The following CHERP variants were observed in gnomAD, a reference collection of about 807,000 sequenced individuals.
The protein encoded by CHERP is calcium homeostasis endoplasmic reticulum protein, also known as ERPROT 213-21.
A neutral mutation model predicts 113.8 loss-of-function variants in CHERP; 8 were observed. That is an observed-to-expected ratio of 0.07 (90% CI 0.04 to 0.13). The LOEUF (loss-of-function observed/expected upper bound fraction) is 0.13. Among genes scored for constraint, CHERP ranks in the 10% least tolerant of loss-of-function variants. The pLI is 1.00. For synonymous variants in CHERP, 559 were observed against 524.5 expected (o/e 1.07, Z -0.90); for missense variants, 884 against 1,298.2 (o/e 0.68, Z 4.90).
chr19:16,520,610 C>A lies in CHERP; in HGVS notation c.2202-103G>T, dbSNP rs2085603439. 7.3e-7 allele frequency: 1 copy of A among 1,369,382 alleles called. No homozygotes were observed. The highest frequency in any genetic ancestry group is 1.0e-6 in the Non-Finnish European group (1 of 988,910). 84.8% of individuals were successfully genotyped at this position (1,369,382 alleles called of 1,614,324 possible). A position where few individuals can be genotyped will look rare whatever the true frequency, so the allele number is the denominator to read the frequency against. ...ACCACCCCAGATGCAGGGGCTCTGG[C>A]TGTGGATGTGGCGCCATAGCCACAG... On this transcript the variant is annotated intron_variant, in intron 13 of 16. Coordinates refer to ENST00000546361, the MANE Select transcript of CHERP (RefSeq NM_006387.6). The surrounding 1 kb of genome is among the most constrained non-coding windows in gnomAD (Gnocchi z 4.0).
Position 16,542,049 on chromosome 19 carries a change from G to A in CHERP, c.26-6C>T, listed in dbSNP as rs2085783416. On this transcript the variant is annotated splice_polypyrimidine_tract_variant and splice_region_variant and intron_variant, in intron 1 of 16. Coordinates refer to ENST00000546361, the MANE Select transcript of CHERP (RefSeq NM_006387.6). ...GACATTTCGAAGCTCCTGGTCTGGA[G>A]GACGGAGAAAAGGCCACGCGGGGCG... 6.2e-7 allele frequency: 1 copy of A among 1,608,260 alleles called. No homozygotes were observed. Among genetic ancestry groups the A allele is most frequent in the African/African-American group, 1.3e-5 (1 of 74,540 alleles).
In CHERP at chr19:16,525,726, G is replaced by T; in HGVS notation, c.1306-49C>A. The T allele has an allele frequency of 7.1e-7, 1 of 1,409,062 alleles. No homozygotes were observed. The highest frequency in any genetic ancestry group is 9.3e-7 in the Non-Finnish European group (1 of 1,074,086). 87.3% of individuals were successfully genotyped at this position (1,409,062 alleles called of 1,614,324 possible). On this transcript the variant is annotated intron_variant, in intron 9 of 16. Transcript: ENST00000546361. The surrounding 1 kb of genome is among the most constrained non-coding windows in gnomAD (Gnocchi z 6.5). ...AGCCCTGCGTGGTCTAGGCCCTAGT[G>T]CTCGGCAGCATCACAGCGCTCGGCA...
At chr19:16,534,788 C>G (rs1384910963) in intron 3 of CHERP, among the ~76,000 whole-genome samples, 4 of 152,138 alleles carry the variant, frequency 2.6e-5, no homozygotes, top group African/African-American at 9.7e-5. Flanking sequence ...CACCTGTATT[C>G]TATTTGGCGA....
In CHERP at chr19:16,519,631, C is replaced by T. The variant is rs2085588869; in HGVS notation, c.2547G>A (p.Leu849=). The change falls in exon 16 of 17, where the codon CTG becomes CTA. Residue 849 remains leucine (L), a synonymous_variant. Transcript: ENST00000546361. The surrounding 1 kb of genome is among the most constrained non-coding windows in gnomAD (Gnocchi z 6.0). The stretch of plus-strand genomic sequence containing the variant: ...ATTCCCTCGCCTTACCCATCTTCAC[C>T]AGCATCTGATGGCCTTTGTTCTCTT... The part of the protein sequence containing the change: ...LGEENKGHQM[L]VKMGWSGSGG... 6.2e-7 allele frequency: 1 copy of T among 1,613,896 alleles called. No homozygotes were observed. The highest frequency in any genetic ancestry group is 1.3e-5 in the African/African-American group (1 of 74,912).
chr19:16,533,240 C>A, intron 3 of CHERP, 92 bp from the exon 4 acceptor site: 1 of 1,320,236 alleles, frequency 7.6e-7, no homozygotes, highest in South Asian at 1.3e-5. Context: ...GGGGTGGGGA[C>A]ATGGTGGCGA....
At position 16,532,454 on chromosome 19, in the gene CHERP, C is replaced by A. The variant is rs145224035; in HGVS notation, c.674+144G>T. On this transcript the variant is annotated intron_variant, in intron 5 of 16. Coordinates refer to ENST00000546361, the MANE Select transcript of CHERP (RefSeq NM_006387.6). The surrounding 1 kb of genome is among the most constrained non-coding windows in gnomAD (Gnocchi z 4.4). ...ACAGAAGCCTGGTGGCTCACAGAGA[C>A]CCCCCACCCGGGGTCCCCGGACAAG... 9.1e-4 allele frequency: 908 copies of A among 998,978 alleles called. 10 individuals are homozygous for A. In the East Asian group the frequency reaches 0.022, roughly 24 times the overall value. 61.9% of individuals were successfully genotyped at this position (998,978 alleles called of 1,614,324 possible).
intron 7 of CHERP, 46 bp from the exon 8 acceptor site, chr19:16,529,946 C>G (rs757275222): frequency 6.3e-7 from 1 of 1,578,354 alleles, no homozygotes; most frequent in East Asian, 2.3e-5. Context: ...GGCCTTGGGG[C>G]TCGCTGCCTG....
At chr19:16,522,818 C>T (rs1346997221) in intron 11 of CHERP, among the ~76,000 whole-genome samples, 2 of 152,140 alleles carry the variant, frequency 1.3e-5, no homozygotes, top group Non-Finnish European at 2.9e-5. Context: ...ATGGCTGAAG[C>T]TCCCTGTGGT....
Position 16,519,579 on chromosome 19 carries a change from CGT to C in CHERP, c.2557+40_2557+41del. On this transcript the variant is annotated intron_variant, in intron 16 of 16. Transcript: ENST00000546361. The surrounding 1 kb of genome is among the most constrained non-coding windows in gnomAD (Gnocchi z 6.0). ...GCTGGTGACTCCCGGGCCCAGCACGCGTGAGGACCCATCCCGCGCCCTCCCCA... is the reference window on the plus strand; with the variant it reads ...GCTGGTGACTCCCGGGCCCAGCACGCGAGGACCCATCCCGCGCCCTCCCCA... 3 of 1,536,094 alleles carry C rather than the reference CGT, an allele frequency of 2.0e-6. No individual in the cohort carries two copies. Among genetic ancestry groups the C allele is most frequent in the Non-Finnish European group, 2.7e-6 (3 of 1,109,388 alleles).
chr19:16,541,810 G>C (rs2085781987), intron 2 of CHERP, 60 bp downstream of exon 2: 1 of 1,542,930 alleles, frequency 6.5e-7, no homozygotes, highest in Non-Finnish European at 8.8e-7. Context: ...GCAGAGCCCG[G>C]ACTGGAATCC....
intron 8 of CHERP, 140 bp downstream of exon 8, chr19:16,529,508 A>C (rs1003878082): frequency 6.5e-6 from 7 of 1,078,156 alleles, no homozygotes; most frequent in African/African-American, 1.6e-5. Flanking sequence ...AAATGGATGA[A>C]AACCTGGGCC....
At chr19:16,531,024 C>T in intron 5 of CHERP, 144 bp from the exon 6 acceptor site, 1 of 1,348,826 alleles carries the variant, frequency 7.4e-7, no homozygotes, top group Non-Finnish European at 9.9e-7. Flanking sequence ...GCTGGGCTCC[C>T]ACGAGACCTG....
chr19:16,539,698 T>C (rs2122290976), intron 2 of CHERP: 1 of 151,942 alleles, frequency 6.6e-6, no homozygotes, highest in Admixed American at 6.5e-5. Context: ...AAATAGATTC[T>C]CTACTATGTC....
chr19:16,539,532 T>C (rs1213926124), intron 2 of CHERP, among the ~76,000 whole-genome samples: 2 of 152,060 alleles, frequency 1.3e-5, no homozygotes, highest in Non-Finnish European at 2.9e-5. Context: ...TTGCTTACGA[T>C]TTCAGGCAGC....
In CHERP at chr19:16,535,355, CCTCA is replaced by C; in HGVS notation, c.384+93_384+96del. ...CCCTGGGTGGCAGGGGGGGCCCTGT[CCTCA>C]CTGACACCTGTTATTCATTCTGATG... On this transcript the variant is annotated intron_variant, in intron 3 of 16. Coordinates refer to ENST00000546361, the MANE Select transcript of CHERP (RefSeq NM_006387.6). The surrounding 1 kb of genome is among the most constrained non-coding windows in gnomAD (Gnocchi z 4.3). The C allele has an allele frequency of 7.4e-7, 1 of 1,353,340 alleles. No individual in the cohort carries two copies. Among genetic ancestry groups the C allele is most frequent in the South Asian group, 1.3e-5 (1 of 76,456 alleles). 83.8% of individuals were successfully genotyped at this position (1,353,340 alleles called of 1,614,324 possible).
chr19:16,542,259 G>C, intron 1 of CHERP, 95 bp downstream of exon 1: 1 of 1,208,748 alleles, frequency 8.3e-7, no homozygotes, highest in Non-Finnish European at 1.1e-6. Context: ...GCCGAGCCCC[G>C]CCCCCTCCCA....
rs1006061193 is a variant in CHERP, at chr19:16,525,890, C to T, written c.1306-213G>A. ...TGCTGCAAAATGACCAGACACCCAA[C>T]CGCTGCACCCGCATCTCAGTCCCGG... On this transcript the variant is annotated intron_variant, in intron 9 of 16. Transcript: ENST00000546361. This position sits in a 1 kb window ranked among gnomAD's most constrained non-coding sequence, Gnocchi z 6.5. 1.3e-5 allele frequency among the ~76,000 whole-genome samples: 2 copies of T among 152,348 alleles called. No homozygotes were observed. The highest frequency in any genetic ancestry group is 4.1e-4 in the South Asian group (2 of 4,832).
Position 16,535,925 on chromosome 19 carries a change from T to G in CHERP, c.200-289A>C, listed in dbSNP as rs1213329787. Among the ~76,000 whole-genome samples, 2 of 152,192 alleles carry G rather than the reference T, an allele frequency of 1.3e-5. No homozygotes were observed. Among genetic ancestry groups the G allele is most frequent in the Non-Finnish European group, 2.9e-5 (2 of 68,024 alleles). Reference sequence around the variant, plus strand: ...CCAGCACCATCCAGTCCTTGCGCAGTGTCCTTCCGGTGCAAGCTAAGCTTG... The same window carrying G: ...CCAGCACCATCCAGTCCTTGCGCAGGGTCCTTCCGGTGCAAGCTAAGCTTG... On this transcript the variant is annotated intron_variant, in intron 2 of 16. Coordinates refer to ENST00000546361, the MANE Select transcript of CHERP (RefSeq NM_006387.6). The surrounding 1 kb of genome is among the most constrained non-coding windows in gnomAD (Gnocchi z 4.3).
At chr19:16,541,756 G>A (rs933797481) in intron 2 of CHERP, 114 bp downstream of exon 2, 3 of 1,109,350 alleles carry the variant, frequency 2.7e-6, no homozygotes, top group Middle Eastern at 3.0e-4. Context: ...GGACCGAGCT[G>A]CTCCACTTCA....
Sources: allele counts gnomAD v4.1 joint callset (sites outside exome capture counted in the v4.1 genomes callset), GRCh38; gene constraint gnomAD v4.1.1; non-coding constraint Gnocchi (gnomAD v3.1); transcripts MANE v1.5; gene names NCBI Gene and HGNC (gene_info 2026-07-23, HGNC 2026-07-21).